Variants in RNF168 observed in about 807,000 individuals in gnomAD.
RNF168 encodes E3 ubiquitin-protein ligase RNF168.
Under a neutral mutation model 34.9 loss-of-function variants are expected in RNF168, and 34 were observed. The ratio of observed to expected loss-of-function variants is 0.97; its 90% confidence interval spans 0.74 to 1.30. The LOEUF is 1.30. Ranked by LOEUF, RNF168 falls within the 50% of genes most tolerant of loss-of-function variation. The probability of loss-of-function intolerance (pLI) is 0.00; values close to 1 mark genes in which losing one functional copy is unlikely to be tolerated. For missense variants in RNF168, 725 were observed against 682.5 expected, an observed-to-expected ratio of 1.06 and a Z score of -0.69; for synonymous variants, 264 against 254.7, an observed-to-expected ratio of 1.04 and a Z score of -0.35.
rs530471744 is a variant in RNF168 at position 196,484,434 on chromosome 3, A to C, written c.559-543T>G. 2.7e-5 allele frequency among the ~76,000 whole-genome samples: 4 copies of C among 147,638 alleles called. No individual in the cohort carries two copies. In the South Asian group the frequency reaches 8.6e-4, roughly 32 times the overall value. ...CATGATCTGCCTGCCTCGGCCTCCC[A>C]AAGTGCTGGGATTACAGGCATGAGG... On this transcript the variant is annotated intron_variant, in intron 3 of 5. Transcript: ENST00000318037.
In RNF168 at chr3:196,488,690, C is replaced by G. The variant is rs893542447; in HGVS notation, c.302-7G>C. ...ACTGGCTGATAGTCATCAGCTATTT[C>G]ATATCAAAAAAGAAAATAACATTAT... is the stretch of plus-strand genomic sequence containing the variant. On this transcript the variant is annotated splice_polypyrimidine_tract_variant and splice_region_variant and intron_variant, in intron 1 of 5. Coordinates refer to ENST00000318037, the MANE Select transcript of RNF168 (RefSeq NM_152617.4). 2 of 1,578,642 alleles carry G rather than the reference C, an allele frequency of 1.3e-6. No homozygotes were observed. Among genetic ancestry groups the G allele is most frequent in the Non-Finnish European group, 1.7e-6 (2 of 1,148,786 alleles).
At position 196,469,668 on chromosome 3, in the gene RNF168, G is replaced by C. The variant is rs1260733365; in HGVS notation, c.*2151C>G. On this transcript the variant is annotated 3_prime_UTR_variant, in exon 6 of 6. Transcript: ENST00000318037. ...AGCTAAATTTCACAAAATGAAATCA[G>C]TGTCTTCTGATTTAACTTTCAGGAG... 1 of 152,154 alleles carries C rather than the reference G, an allele frequency of 6.6e-6. No individual in the cohort carries two copies. Among genetic ancestry groups the C allele is most frequent in the Admixed American group, 6.5e-5 (1 of 15,270 alleles). 9.4% of individuals were successfully genotyped at this position (152,154 alleles called of 1,614,324 possible). A position where few individuals can be genotyped will look rare whatever the true frequency, so the allele number is the denominator to read the frequency against.
chr3:196,485,178 T>G (rs1457528849), intron 3 of RNF168, among the ~76,000 whole-genome samples: 2 of 152,178 alleles, frequency 1.3e-5, no homozygotes, highest in African/African-American at 2.4e-5. Context: ...TGGTGAATAT[T>G]TGGCCTTAAA....
chr3:196,490,247 G>A (rs1732560827), intron 1 of RNF168, among the ~76,000 whole-genome samples: 1 of 152,146 alleles, frequency 6.6e-6, no homozygotes, highest in South Asian at 2.1e-4. Flanking sequence ...TAACCTAAAT[G>A]TGGGTATGTA....
intron 1 of RNF168, among the ~76,000 whole-genome samples, chr3:196,501,276 T>C (rs1377370106): frequency 2.0e-5 from 3 of 152,068 alleles, no homozygotes; most frequent in African/African-American, 7.2e-5. Context: ...TACTGGTACA[T>C]AAATGTTCGT....
At position 196,488,685 on chromosome 3, in the gene RNF168, T is replaced by C. The variant is rs749317182; in HGVS notation, c.302-2A>G. 4.4e-6 allele frequency: 7 copies of C among 1,578,550 alleles called. No individual in the cohort carries two copies. Among genetic ancestry groups the C allele is most frequent in the Non-Finnish European group, 6.1e-6 (7 of 1,148,264 alleles). On this transcript the variant is annotated splice_acceptor_variant, in intron 1 of 5. Coordinates refer to ENST00000318037, the MANE Select transcript of RNF168 (RefSeq NM_152617.4). LOFTEE classifies it high-confidence loss of function. Reference sequence around the variant, plus strand: ...GACGAACTGGCTGATAGTCATCAGCTATTTCATATCAAAAAAGAAAATAAC... The same window carrying C: ...GACGAACTGGCTGATAGTCATCAGCCATTTCATATCAAAAAAGAAAATAAC...
At chr3:196,501,949 T>C (rs866898908) in intron 1 of RNF168, among the ~76,000 whole-genome samples, 16 of 151,678 alleles carry the variant, frequency 1.1e-4, no homozygotes, top group Non-Finnish European at 1.5e-4. Flanking sequence ...TAAAGCTTTT[T>C]CTTTTAACTA....
Position 196,472,364 on chromosome 3 carries a change from G to C in RNF168, c.1171C>G (p.Gln391Glu), listed in dbSNP as rs770981036. ...TTGACTGCTTCAAAGGAAGATTCTTGGTTTTTTCTTTTGGAAATCTCCTTA... is the reference window on the plus strand; with the variant it reads ...TTGACTGCTTCAAAGGAAGATTCTTCGTTTTTTCTTTTGGAAATCTCCTTA... The part of the protein sequence containing the change: ...ISKEISKRKN[Q>E]ESSFEAVKDP... The change falls in exon 6 of 6, where the codon CAA becomes GAA. Residue 391 changes from glutamine (Q) to glutamate (E), a missense_variant. Gln to Glu is a conservative substitution (Grantham distance 29). Transcript: ENST00000318037. 1 of 1,613,924 alleles carries C rather than the reference G, an allele frequency of 6.2e-7. No homozygotes were observed. Among genetic ancestry groups the C allele is most frequent in the Non-Finnish European group, 8.5e-7 (1 of 1,179,972 alleles).
At chr3:196,488,488 A>G in intron 2 of RNF168, 119 bp downstream of exon 2, 1 of 649,050 alleles carries the variant, frequency 1.5e-6, no homozygotes, top group Non-Finnish European at 2.7e-6. Flanking sequence ...TCTCAAAAAA[A>G]AAAAATTATC....
intron 1 of RNF168, among the ~76,000 whole-genome samples, chr3:196,502,347 C>G (rs1463818339): frequency 1.3e-5 from 2 of 152,020 alleles, no homozygotes; most frequent in Non-Finnish European, 2.9e-5. Context: ...AGCATTTTGG[C>G]AGGCCGAGGC....
chr3:196,491,537 TC>T (rs1353537757), intron 1 of RNF168, among the ~76,000 whole-genome samples: 1 of 150,956 alleles, frequency 6.6e-6, no homozygotes, highest in African/African-American at 2.4e-5. Context: ...TTCCAACTAC[TC>T]GAGAGGCTGA....
intron 1 of RNF168, among the ~76,000 whole-genome samples, chr3:196,499,462 C>T (rs1732827416): frequency 6.6e-6 from 1 of 152,142 alleles, no homozygotes; most frequent in African/African-American, 2.4e-5. Flanking sequence ...TACAGTAGCC[C>T]TAGGAAATAA....
At position 196,475,122 on chromosome 3, in the gene RNF168, G is replaced by A. The variant is rs185151765; in HGVS notation, c.762+109C>T. On this transcript the variant is annotated intron_variant, in intron 5 of 5. Coordinates refer to ENST00000318037, the MANE Select transcript of RNF168 (RefSeq NM_152617.4). ...GAGCCTAAGAGGACTCAGACAGGGT[G>A]TTTGATTAACTATAGGGGCTTTTGT... 7.3e-4 allele frequency: 529 copies of A among 727,136 alleles called. 2 individuals are homozygous for A. Among genetic ancestry groups the A allele is most frequent in the African/African-American group, 6.7e-3 (386 of 57,298 alleles). The allele number at this position is 727,136 out of a possible 1,614,324, so 45.0% of individuals were successfully genotyped here. A position where few individuals can be genotyped will look rare whatever the true frequency, so the allele number is the denominator to read the frequency against.
intron 1 of RNF168, among the ~76,000 whole-genome samples, chr3:196,495,663 G>A (rs1389518781): frequency 6.6e-6 from 1 of 152,112 alleles, no homozygotes; most frequent in South Asian, 2.1e-4. Context: ...CATTACTGTG[G>A]TAACAGGCTT....
At chr3:196,491,066 G>A (rs1043290346) in intron 1 of RNF168, among the ~76,000 whole-genome samples, 5 of 152,194 alleles carry the variant, frequency 3.3e-5, no homozygotes, top group Non-Finnish European at 5.9e-5. Flanking sequence ...TGTAATCCCA[G>A]CACTTTGGGA....
intron 1 of RNF168, among the ~76,000 whole-genome samples, chr3:196,494,027 A>AT (rs1443398990): frequency 3.4e-5 from 5 of 148,510 alleles, no homozygotes; most frequent in African/African-American, 5.0e-5. Context: ...TAATTTTTGT[A>AT]TTTTTTGTAG....
rs57647149 is a variant in RNF168 at position 196,471,196 on chromosome 3, C to CAAAAAAAAAAAAAA, written c.*609_*622dup. 11 of 40,636 alleles carry CAAAAAAAAAAAAAA rather than the reference C, an allele frequency of 2.7e-4. No individual in the cohort carries two copies. The highest frequency in any genetic ancestry group is 9.8e-4 in the South Asian group (1 of 1,016). 2.5% of individuals were successfully genotyped at this position (40,636 alleles called of 1,614,324 possible). A position where few individuals can be genotyped will look rare whatever the true frequency, so the allele number is the denominator to read the frequency against. ...GCGTGACAGAGCAAGACTCTGTCTC[C>CAAAAAAAAAAAAAA]AAAAAAAAAAAAAAAAAAAAAAAAA... On this transcript the variant is annotated 3_prime_UTR_variant, in exon 6 of 6. Transcript: ENST00000318037.
chr3:196,475,090 T>C (rs927912282), intron 5 of RNF168, 141 bp downstream of exon 5: 3 of 634,132 alleles, frequency 4.7e-6, no homozygotes, highest in Middle Eastern at 3.2e-4. Flanking sequence ...GTGCTTTTTC[T>C]CTAGGTGAGC....
At chr3:196,482,609 T>C (rs1732324622) in intron 4 of RNF168, among the ~76,000 whole-genome samples, 2 of 152,238 alleles carry the variant, frequency 1.3e-5, no homozygotes, top group Non-Finnish European at 2.9e-5. Context: ...TCAACACTTA[T>C]TATTTTCCCT....
Sources: allele counts gnomAD v4.1 joint callset (sites outside exome capture counted in the v4.1 genomes callset), GRCh38; gene constraint gnomAD v4.1.1; transcripts MANE v1.5; gene names NCBI Gene and HGNC (gene_info 2026-07-23, HGNC 2026-07-21).